UNC79: variants seen among roughly 807,000 people sequenced by gnomAD.
UNC79 encodes unc-79 subunit of NALCN channel complex, also known as protein unc-79 homolog.
UNC79 carries 37 observed loss-of-function variants against 283.1 expected under a neutral mutation model. That is an observed-to-expected ratio of 0.13 (90% CI 0.10 to 0.17). UNC79 has a LOEUF of 0.17. Ranked by LOEUF, UNC79 falls within the 10% of genes least tolerant of loss-of-function variation. UNC79 has a pLI of 1.00. For synonymous variants in UNC79, 1,107 were observed against 1,200.2 expected, an observed-to-expected ratio of 0.92 and a Z score of 1.61; for missense variants, 2,272 against 3,211.1, an observed-to-expected ratio of 0.71 and a Z score of 7.07.
At position 93,477,536 on chromosome 14, in the gene UNC79, ATTACTCAAT is replaced by A; in HGVS notation, c.449-19_449-11del. 3 of 1,555,978 alleles carry A rather than the reference ATTACTCAAT, an allele frequency of 1.9e-6. No individual in the cohort carries two copies. In the South Asian group the frequency reaches 3.6e-5, roughly 19 times the overall value. On this transcript the variant is annotated splice_polypyrimidine_tract_variant and intron_variant, in intron 3 of 48. Transcript: ENST00000555664. The stretch of plus-strand genomic sequence containing the variant: ...TTAATTGCAAAATATTCAGTGACTG[ATTACTCAAT>A]TTTGTTTTGTAGATCTTGGACAGTC...
At chr14:93,419,547 A>G (rs918290318) in intron 1 of UNC79, among the ~76,000 whole-genome samples, 42 of 151,796 alleles carry the variant, frequency 2.8e-4, no homozygotes, top group African/African-American at 9.9e-4. Flanking sequence ...AACAGGCAGT[A>G]TGATAAGATA....
intron 1 of UNC79, among the ~76,000 whole-genome samples, chr14:93,440,642 C>A (rs545994537): frequency 6.6e-6 from 1 of 151,386 alleles, no homozygotes; most frequent in Non-Finnish European, 1.5e-5. Flanking sequence ...TTTATTATAA[C>A]TATTTTCAAG....
Position 93,622,831 on chromosome 14 carries a change from GA to G in UNC79, c.5601del (p.Asp1868IlefsTer24). The stretch of plus-strand genomic sequence containing the variant: ...ACATTCTGGACAAACTGGGAGAACA[GA>G]AAGATCCAGGTAAGCTCGCCTCTCT... On this transcript the variant is annotated frameshift_variant, in exon 30 of 49. Coordinates refer to ENST00000555664, the Ensembl canonical transcript of UNC79. LOFTEE classifies it high-confidence loss of function. 6.2e-7 allele frequency: 1 copy of G among 1,613,154 alleles called. No individual in the cohort carries two copies. The highest frequency in any genetic ancestry group is 8.5e-7 in the Non-Finnish European group (1 of 1,179,378).
exon 19 of UNC79, chr14:93,580,241 C>T (rs2063716792): frequency 3.7e-6 from 6 of 1,614,168 alleles, no homozygotes; most frequent in South Asian, 1.1e-5. Context: ...TCCAAGCCCC[C>T]TGGGGGGGAT....
chr14:93,573,564 A>G (rs1438951708), intron 16 of UNC79, among the ~76,000 whole-genome samples: 1 of 152,230 alleles, frequency 6.6e-6, no homozygotes, highest in Non-Finnish European at 1.5e-5. Context: ...GGACAGAATC[A>G]ATGTTTAGAT....
chr14:93,624,280 G>A (rs895868372), intron 30 of UNC79, among the ~76,000 whole-genome samples: 8 of 152,190 alleles, frequency 5.3e-5, no homozygotes, highest in African/African-American at 1.9e-4. Flanking sequence ...ACATTGGCGT[G>A]TTTGGAAAGG....
chr14:93,540,857 C>T (rs1184003320), intron 13 of UNC79, 26 bp downstream of exon 13: 3 of 1,609,400 alleles, frequency 1.9e-6, no homozygotes, highest in Non-Finnish European at 2.5e-6. Context: ...TAACTATTCT[C>T]CACTTTCTTA....
chr14:93,510,964 A>G (rs1207776830), intron 7 of UNC79, among the ~76,000 whole-genome samples: 1 of 152,192 alleles, frequency 6.6e-6, no homozygotes, highest in Non-Finnish European at 1.5e-5. Flanking sequence ...GGTAGTTTAT[A>G]AAGAAAAGAG....
chr14:93,639,923 CTTGT>C (rs2068864771), intron 32 of UNC79, among the ~76,000 whole-genome samples: 2 of 152,156 alleles, frequency 1.3e-5, no homozygotes, highest in African/African-American at 2.4e-5. Flanking sequence ...TTTTTGTTTG[CTTGT>C]TTGTTTTCTC....
intron 1 of UNC79, chr14:93,334,698 A>G (rs2053537213): frequency 1.3e-5 from 2 of 152,240 alleles, no homozygotes; most frequent in Non-Finnish European, 2.9e-5. Context: ...CGATCAATGC[A>G]ACCTGGTACA....
chr14:93,561,473 G>A (rs1418161852), intron 14 of UNC79, among the ~76,000 whole-genome samples: 1 of 152,084 alleles, frequency 6.6e-6, no homozygotes, highest in Non-Finnish European at 1.5e-5. Flanking sequence ...TAGGGAGACA[G>A]GAGATGTTTC....
chr14:93,603,382 G>T lies in UNC79; in HGVS notation c.3718G>T (p.Ala1240Ser), dbSNP rs972579106. Residue 1240 changes from alanine (A) to serine (S), a missense_variant, in exon 26 of 49, where the codon GCG becomes TCG. By Grantham distance (99) the Ala-to-Ser change is moderately conservative (BLOSUM62 1). Transcript: ENST00000555664. Reference sequence around the variant, plus strand: ...GAAAGGGCCTGTGGAATCCAAGAGGGCGCTCTCCCTCCCTGAGACCCTGAC... The same window carrying T: ...GAAAGGGCCTGTGGAATCCAAGAGGTCGCTCTCCCTCCCTGAGACCCTGAC... 3.1e-6 allele frequency: 5 copies of T among 1,614,022 alleles called. No individual in the cohort carries two copies. The African/African-American group carries it at 4.0e-5, about 13-fold the overall frequency.
chr14:93,485,018 G>A (rs537009976), intron 4 of UNC79, among the ~76,000 whole-genome samples: 2 of 152,054 alleles, frequency 1.3e-5, no homozygotes, highest in East Asian at 1.9e-4. Context: ...TGAGACATGT[G>A]GGCATCTTTC....
intron 1 of UNC79, among the ~76,000 whole-genome samples, chr14:93,380,962 A>T (rs1003373304): frequency 2.0e-5 from 3 of 152,212 alleles, no homozygotes; most frequent in African/African-American, 7.2e-5. Flanking sequence ...TCATTTAGTA[A>T]GTATTTATTG....
intron 26 of UNC79, 24 bp from the exon 28 acceptor site, chr14:93,612,773 T>G (rs1187921113): frequency 6.2e-7 from 1 of 1,604,482 alleles, no homozygotes; most frequent in Non-Finnish European, 8.5e-7. Context: ...AGCCACCCAC[T>G]GACAGCCTTT....
Position 93,617,500 on chromosome 14 carries a change from A to G in UNC79, c.4224+196A>G, listed in dbSNP as rs1360781950. 6.6e-6 allele frequency among the ~76,000 whole-genome samples: 1 copy of G among 152,160 alleles called. No homozygotes were observed. The highest frequency in any genetic ancestry group is 1.5e-5 in the Non-Finnish European group (1 of 68,018). On this transcript the variant is annotated intron_variant, in intron 28 of 48. Coordinates refer to ENST00000555664, the Ensembl canonical transcript of UNC79. The surrounding 1 kb of genome is among the most constrained non-coding windows in gnomAD (Gnocchi z 4.5). ...TAGAAATGGGAGGCCCTGTTAATATATGCTCTAAAAATGTTTAAAACAAAG... is the reference window on the plus strand; with the variant it reads ...TAGAAATGGGAGGCCCTGTTAATATGTGCTCTAAAAATGTTTAAAACAAAG...
chr14:93,531,908 T>G lies in UNC79; in HGVS notation c.1094-642T>G, dbSNP rs1418223105. On this transcript the variant is annotated intron_variant, in intron 10 of 48. Coordinates refer to ENST00000555664, the Ensembl canonical transcript of UNC79. This position sits in a 1 kb window ranked among gnomAD's most constrained non-coding sequence, Gnocchi z 4.2. ...AAATGGGGAAATAAGATTAAATTTGTTTGGCTTTAACAAGATTTGATTTCT... is the reference window on the plus strand; with the variant it reads ...AAATGGGGAAATAAGATTAAATTTGGTTGGCTTTAACAAGATTTGATTTCT... Among the ~76,000 whole-genome samples, 2 of 152,232 alleles carry G rather than the reference T, an allele frequency of 1.3e-5. No individual in the cohort carries two copies. The highest frequency in any genetic ancestry group is 2.9e-5 in the Non-Finnish European group (2 of 68,050).
At chr14:93,489,782 G>A (rs370665101) in intron 5 of UNC79, among the ~76,000 whole-genome samples, 6 of 152,176 alleles carry the variant, frequency 3.9e-5, no homozygotes, top group African/African-American at 9.7e-5. Context: ...GTGGCTTTGC[G>A]TGGCTCTATC....
At chr14:93,649,302 T>G (rs1377709172) in intron 35 of UNC79, among the ~76,000 whole-genome samples, 2 of 152,208 alleles carry the variant, frequency 1.3e-5, no homozygotes, top group African/African-American at 4.8e-5. Flanking sequence ...TTTAAAAAAC[T>G]TATTTTCTTA....
Sources: gnomAD v4.1 joint callset for allele counts (sites outside exome capture counted in the v4.1 genomes callset) on GRCh38, gnomAD v4.1.1 for gene constraint, Gnocchi (gnomAD v3.1) non-coding constraint, MANE v1.5 for transcripts, NCBI Gene and HGNC (gene_info 2026-07-23, HGNC 2026-07-21) for gene names.